Variants in ATP6V1B2 observed in about 807,000 individuals in gnomAD.
ATP6V1B2 encodes ATPase H+ transporting V1 subunit B2, also known as V-type proton ATPase subunit B, brain isoform.
Under a neutral mutation model 66.7 loss-of-function variants are expected in ATP6V1B2, and 23 were observed. That is an observed-to-expected ratio of 0.34 (90% CI 0.25 to 0.49). ATP6V1B2 has a LOEUF of 0.49. Among genes scored for constraint, ATP6V1B2 ranks in the 20% least tolerant of loss-of-function variants. The pLI, the probability that ATP6V1B2 is intolerant of heterozygous loss-of-function variation, is 0.99. For missense variants in ATP6V1B2, 478 were observed against 650.8 expected (o/e 0.73, Z 2.89); for synonymous variants, 278 against 236.7 (o/e 1.17, Z -1.60).
chr8:20,207,553 T>C (rs765875137), intron 2 of ATP6V1B2, among the ~76,000 whole-genome samples: 1 of 151,896 alleles, frequency 6.6e-6, no homozygotes, highest in Non-Finnish European at 1.5e-5. Flanking sequence ...GCATGTACCC[T>C]AAAACTTAAA....
chr8:20,211,634 T>A lies in ATP6V1B2; in HGVS notation c.604-18T>A. The A allele has an allele frequency of 6.3e-7, 1 of 1,589,524 alleles. No homozygotes were observed. The highest frequency in any genetic ancestry group is 8.5e-7 in the Non-Finnish European group (1 of 1,170,574). On this transcript the variant is annotated intron_variant, in intron 6 of 13. Coordinates refer to ENST00000276390, the MANE Select transcript of ATP6V1B2 (RefSeq NM_001693.4). Reference sequence around the variant, plus strand: ...GTTATTTTAGATTTCAACTGAATTCTTCTACTTTGTTCATCAGATTGCAGC... The same window carrying A: ...GTTATTTTAGATTTCAACTGAATTCATCTACTTTGTTCATCAGATTGCAGC...
At position 20,204,508 on chromosome 8, in the gene ATP6V1B2, A is replaced by G. The variant is rs200124277; in HGVS notation, c.161A>G (p.Asn54Ser). The G allele has an allele frequency of 1.7e-4, 276 of 1,613,080 alleles. 2 individuals carry two copies. Among genetic ancestry groups the G allele is most frequent in the South Asian group, 2.2e-4 (20 of 91,044 alleles). The stretch of plus-strand genomic sequence containing the variant: ...GCATACAAGACAGTATCTGGAGTCA[A>G]TGGTCCACTAGTGATCTTAGATCAT... ...RLTYKTVSGV[N>S]GPLVILDHVK... The change falls in exon 2 of 14, where the codon AAT (asparagine) becomes AGT (serine). Residue 54 changes from asparagine to serine, a missense_variant. By Grantham distance (46) the Asn-to-Ser change is conservative. Transcript: ENST00000276390.
intron 1 of ATP6V1B2, among the ~76,000 whole-genome samples, chr8:20,203,456 C>T (rs969769828): frequency 7.2e-5 from 11 of 152,178 alleles, no homozygotes; most frequent in African/African-American, 2.7e-4. Context: ...GCTTGGGAGT[C>T]CACATCTGTG....
chr8:20,205,593 A>G (rs966284747), intron 2 of ATP6V1B2, among the ~76,000 whole-genome samples: 2 of 152,210 alleles, frequency 1.3e-5, no homozygotes, highest in Non-Finnish European at 2.9e-5. Context: ...ATTTTTATGT[A>G]GTTGTAGAAA....
rs1378784080 is a variant in ATP6V1B2 at position 20,215,938 on chromosome 8, G to A, written c.1079-475G>A. On this transcript the variant is annotated intron_variant, in intron 10 of 13. Coordinates refer to ENST00000276390, the MANE Select transcript of ATP6V1B2 (RefSeq NM_001693.4). ...CTAAGAATGTTCTTAGTATACATCA[G>A]GTTGGCAAATTTCTATAAGGGAACT... is the stretch of plus-strand genomic sequence containing the variant. 2.0e-5 allele frequency: 3 copies of A among 153,376 alleles called. No homozygotes were observed. The South Asian group carries it at 6.1e-4, about 31-fold the overall frequency. The allele number at this position is 153,376 out of a possible 1,614,324, so 9.5% of individuals were successfully genotyped here. A position where few individuals can be genotyped will look rare whatever the true frequency, so the allele number is the denominator to read the frequency against.
intron 2 of ATP6V1B2, among the ~76,000 whole-genome samples, chr8:20,208,928 C>T (rs546581935): frequency 6.6e-6 from 1 of 151,984 alleles, no homozygotes. Flanking sequence ...AGGCTGGTCT[C>T]GAACTCCTGA....
chr8:20,210,219 C>T (rs2072779348), intron 3 of ATP6V1B2, 127 bp from the exon 4 acceptor site: 5 of 738,596 alleles, frequency 6.8e-6, no homozygotes, highest in Non-Finnish European at 8.6e-6. Flanking sequence ...TTTCTTTGCT[C>T]ATTATATCAA....
intron 1 of ATP6V1B2, 29 bp downstream of exon 1, chr8:20,197,571 G>C (rs752164829): frequency 7.4e-7 from 1 of 1,347,652 alleles, no homozygotes; most frequent in East Asian, 2.8e-5. Flanking sequence ...TACGTCTCCG[G>C]TCTTTGCTCC....
chr8:20,197,982 A>C (rs891193759), intron 1 of ATP6V1B2, among the ~76,000 whole-genome samples: 1 of 152,148 alleles, frequency 6.6e-6, no homozygotes, highest in African/African-American at 2.4e-5. Context: ...ACTCCTGCGG[A>C]GGGCAGACGG....
rs768961948 is a variant in ATP6V1B2, at chr8:20,210,384, G to A, written c.330G>A (p.Thr110=). 3.7e-6 allele frequency: 6 copies of A among 1,613,316 alleles called. No individual in the cohort carries two copies. Among genetic ancestry groups the A allele is most frequent in the Middle Eastern group, 1.7e-4 (1 of 6,032 alleles). Residue 110 remains threonine (T), a synonymous_variant, in exon 4 of 14, where the codon ACG becomes ACA. Transcript: ENST00000276390. ...CTTCAGGTATAGATGCTAAGAAAACGTCCTGTGAGTTTACTGGGGATATTC... is the reference window on the plus strand; with the variant it reads ...CTTCAGGTATAGATGCTAAGAAAACATCCTGTGAGTTTACTGGGGATATTC... ...EGTSGIDAKK[T]SCEFTGDILR...
At chr8:20,205,158 G>T (rs1474262189) in intron 2 of ATP6V1B2, among the ~76,000 whole-genome samples, 5 of 152,012 alleles carry the variant, frequency 3.3e-5, no homozygotes, top group South Asian at 4.2e-4. Flanking sequence ...TTTGTTTTCT[G>T]GGGAAAATAT....
Position 20,213,941 on chromosome 8 carries a change from T to TAA in ATP6V1B2, c.928-876_928-875dup, listed in dbSNP as rs1245312254. Reference sequence around the variant, plus strand: ...AAAAGTGAAATTTTAACTATATATATAATTTACAAATGCAGATTTTAGAAT... The same window carrying TAA: ...AAAAGTGAAATTTTAACTATATATATAAAATTTACAAATGCAGATTTTAGAAT... On this transcript the variant is annotated intron_variant, in intron 9 of 13. Transcript: ENST00000276390. The TAA allele has an allele frequency of 3.3e-5, 5 of 152,318 alleles. No individual in the cohort carries two copies. The East Asian group carries it at 9.6e-4, about 29-fold the overall frequency. 9.4% of individuals were successfully genotyped at this position (152,318 alleles called of 1,614,324 possible). A position where few individuals can be genotyped will look rare whatever the true frequency, so the allele number is the denominator to read the frequency against.
intron 9 of ATP6V1B2, 112 bp downstream of exon 9, chr8:20,213,017 T>C (rs2072811291): frequency 1.1e-5 from 15 of 1,402,176 alleles, no homozygotes; most frequent in Middle Eastern, 2.2e-4. Context: ...ACTGTTCATA[T>C]ATTAATAGAA....
intron 11 of ATP6V1B2, chr8:20,216,943 C>A: frequency 2.7e-6 from 1 of 376,124 alleles, no homozygotes. Context: ...TAGTACTTAT[C>A]AAACAGATGT....
intron 7 of ATP6V1B2, among the ~76,000 whole-genome samples, 154 bp downstream of exon 7, chr8:20,211,907 T>C (rs2072798922): frequency 6.6e-6 from 1 of 152,236 alleles, no homozygotes; most frequent in African/African-American, 2.4e-5. Flanking sequence ...ATTTGGCATT[T>C]GACTAATTTG....
chr8:20,197,448 A>C lies in ATP6V1B2; in HGVS notation c.42A>C (p.Ala14=). Residue 14 remains alanine, a synonymous_variant, in exon 1 of 14, where the codon GCA becomes GCC. Coordinates refer to ENST00000276390, the MANE Select transcript of ATP6V1B2 (RefSeq NM_001693.4). ...TGCGGGGGATTGTCAACGGGGCCGCACCCGAGCTACCCGTGCCCACCGGTG... is the reference window on the plus strand; with the variant it reads ...TGCGGGGGATTGTCAACGGGGCCGCCCCCGAGCTACCCGTGCCCACCGGTG... ...RAMRGIVNGA[A]PELPVPTGGP... 6.5e-7 allele frequency: 1 copy of C among 1,538,076 alleles called. No homozygotes were observed. The highest frequency in any genetic ancestry group is 8.7e-7 in the Non-Finnish European group (1 of 1,143,358).
intron 13 of ATP6V1B2, 25 bp downstream of exon 13, chr8:20,218,307 CAT>C: frequency 6.2e-7 from 1 of 1,603,238 alleles, no homozygotes; most frequent in Non-Finnish European, 8.5e-7. Flanking sequence ...GGCTTACAAA[CAT>C]AAAAAGCCTC....
chr8:20,218,054 G>A, intron 12 of ATP6V1B2, 99 bp from the exon 13 acceptor site: 3 of 1,420,858 alleles, frequency 2.1e-6, no homozygotes, highest in Non-Finnish European at 2.8e-6. Flanking sequence ...CCTTCTATGG[G>A]CTCTTGTGAG....
At chr8:20,205,735 C>T (rs965224250) in intron 2 of ATP6V1B2, among the ~76,000 whole-genome samples, 6 of 152,212 alleles carry the variant, frequency 3.9e-5, no homozygotes, top group Non-Finnish European at 7.3e-5. Flanking sequence ...AGATGAAGCA[C>T]TGCTGCCAAC....
Sources: allele counts gnomAD v4.1 joint callset (sites outside exome capture counted in the v4.1 genomes callset), GRCh38; gene constraint gnomAD v4.1.1; transcripts MANE v1.5; gene names NCBI Gene and HGNC (gene_info 2026-07-23, HGNC 2026-07-21).